EML6: variants seen among roughly 807,000 people sequenced by gnomAD.
EML6 encodes EMAP like 6.
Under a neutral mutation model 240.1 loss-of-function variants are expected in EML6, and 154 were observed. The ratio of observed to expected loss-of-function variants is 0.64; its 90% CI spans 0.56 to 0.73. EML6 has a LOEUF of 0.73. Among genes scored for constraint, EML6 ranks in the 30% least tolerant of loss-of-function variants. The probability of loss-of-function intolerance (pLI) is 0.00; values close to 1 mark genes in which losing one functional copy is unlikely to be tolerated. For synonymous variants in EML6, 1,148 were observed against 899.0 expected, an observed-to-expected ratio of 1.28 and a Z score of -4.95; for missense variants, 2,964 against 2,474.6, an observed-to-expected ratio of 1.20 and a Z score of -4.20.
At chr2:54,823,379 T>G (rs1286208771) in intron 5 of EML6, among the ~76,000 whole-genome samples, 1 of 152,120 alleles carries the variant, frequency 6.6e-6, no homozygotes, top group Non-Finnish European at 1.5e-5. Context: ...AGTGTGAGAC[T>G]GGGGAGCTGG....
At chr2:54,772,055 A>G (rs1019997167) in intron 2 of EML6, among the ~76,000 whole-genome samples, 2 of 152,242 alleles carry the variant, frequency 1.3e-5, no homozygotes, top group African/African-American at 4.8e-5. Flanking sequence ...CTGCAGGAAC[A>G]CAGCTGCCTT....
chr2:54,953,896 A>G (rs1676105356), intron 31 of EML6, 87 bp from the exon 32 acceptor site: 2 of 1,188,388 alleles, frequency 1.7e-6, no homozygotes, highest in African/African-American at 3.1e-5. Flanking sequence ...AAAAAAAAAA[A>G]AAAAAAGGCT....
chr2:54,912,341 T>C (rs972871525), intron 25 of EML6, among the ~76,000 whole-genome samples: 1 of 152,246 alleles, frequency 6.6e-6, no homozygotes, highest in Admixed American at 6.5e-5. Flanking sequence ...AGAGGTATTT[T>C]TAATTACGTC....
At chr2:54,757,857 C>T (rs1298795582) in intron 2 of EML6, among the ~76,000 whole-genome samples, 2 of 151,744 alleles carry the variant, frequency 1.3e-5, no homozygotes, top group South Asian at 4.1e-4. Context: ...AATCAGTCAC[C>T]ACTTACTCAT....
intron 9 of EML6, among the ~76,000 whole-genome samples, chr2:54,848,054 G>C (rs920688480): frequency 1.4e-5 from 2 of 139,332 alleles, no homozygotes; most frequent in African/African-American, 5.6e-5. Flanking sequence ...ATAAAAGATT[G>C]TGGGCTTTGT....
At chr2:54,809,025 A>C (rs1329395800) in intron 2 of EML6, among the ~76,000 whole-genome samples, 2 of 152,226 alleles carry the variant, frequency 1.3e-5, no homozygotes, top group African/African-American at 4.8e-5. Flanking sequence ...TATATAAAAT[A>C]CAATAAATGG....
intron 7 of EML6, among the ~76,000 whole-genome samples, chr2:54,835,062 C>A (rs931880534): frequency 6.6e-6 from 1 of 152,204 alleles, no homozygotes; most frequent in East Asian, 1.9e-4. Flanking sequence ...CTCCCTCTGC[C>A]TGTGACACTC....
intron 2 of EML6, among the ~76,000 whole-genome samples, chr2:54,801,363 C>T (rs555470519): frequency 6.6e-6 from 1 of 151,522 alleles, no homozygotes; most frequent in Admixed American, 6.6e-5. Flanking sequence ...AAAATTTCTT[C>T]CTATGACGTG....
chr2:54,821,086 G>A (rs979842311), intron 5 of EML6, among the ~76,000 whole-genome samples: 2 of 152,100 alleles, frequency 1.3e-5, no homozygotes, highest in African/African-American at 4.8e-5. Flanking sequence ...TATAGCCCAG[G>A]ATCTTCTTTC....
intron 2 of EML6, among the ~76,000 whole-genome samples, chr2:54,784,016 A>C (rs1161751989): frequency 6.6e-6 from 1 of 152,022 alleles, no homozygotes; most frequent in African/African-American, 2.4e-5. Context: ...TCGTGATCAT[A>C]GTTCATGGTA....
chr2:54,797,327 C>G (rs1034827244), intron 2 of EML6, among the ~76,000 whole-genome samples: 8 of 152,046 alleles, frequency 5.3e-5, no homozygotes, highest in East Asian at 1.9e-4. Context: ...TAACAGCCAT[C>G]GGAGTTCAAA....
At chr2:54,879,924 C>T in intron 17 of EML6, 1 of 299,136 alleles carries the variant, frequency 3.3e-6, no homozygotes, top group Non-Finnish European at 6.1e-6. Flanking sequence ...AGCACTTCAG[C>T]AATAGAAAAG....
At chr2:54,769,886 C>T (rs1668338024) in intron 2 of EML6, among the ~76,000 whole-genome samples, 4 of 152,126 alleles carry the variant, frequency 2.6e-5, no homozygotes, top group Admixed American at 2.6e-4. Context: ...CCAATTCCTC[C>T]CAGTTTTCTC....
chr2:54,788,559 C>G (rs1272380876), intron 2 of EML6, among the ~76,000 whole-genome samples: 2 of 152,178 alleles, frequency 1.3e-5, no homozygotes, highest in Non-Finnish European at 2.9e-5. Flanking sequence ...TAGCTACTCT[C>G]CAGAGAGAGA....
At chr2:54,912,497 A>C (rs971437097) in intron 25 of EML6, among the ~76,000 whole-genome samples, 2 of 152,164 alleles carry the variant, frequency 1.3e-5, no homozygotes, top group Non-Finnish European at 2.9e-5. Context: ...CTGGCATACA[A>C]ATTATTGCAT....
At chr2:54,867,763 A>G (rs769908538) in intron 14 of EML6, 3 of 152,206 alleles carry the variant, frequency 2.0e-5, no homozygotes, top group Non-Finnish European at 4.4e-5. Flanking sequence ...GGGAAAAAAA[A>G]TACCTGAAGA....
chr2:54,899,495 T>C (rs903759089), intron 21 of EML6, 146 bp from the exon 22 acceptor site: 1 of 670,770 alleles, frequency 1.5e-6, no homozygotes, highest in African/African-American at 1.8e-5. Flanking sequence ...CGGGTGATGA[T>C]TTTGGTTCAA....
At chr2:54,812,053 G>A (rs1037047354) in intron 2 of EML6, among the ~76,000 whole-genome samples, 3 of 152,054 alleles carry the variant, frequency 2.0e-5, no homozygotes, top group African/African-American at 7.2e-5. Context: ...ATTCACACAG[G>A]CATGTTTATG....
chr2:54,791,373 CA>C (rs1669444313), intron 2 of EML6, among the ~76,000 whole-genome samples: 1 of 152,126 alleles, frequency 6.6e-6, no homozygotes, highest in Non-Finnish European at 1.5e-5. Context: ...AGTGGTTTGC[CA>C]AAATGAGAAT....
Sources: gnomAD v4.1 joint callset for allele counts (sites outside exome capture counted in the v4.1 genomes callset) on GRCh38, gnomAD v4.1.1 for gene constraint, MANE v1.5 for transcripts, NCBI Gene and HGNC (gene_info 2026-07-23, HGNC 2026-07-21) for gene names.